The following KIFC3 variants were observed in gnomAD, a reference collection of about 807,000 sequenced individuals.
KIFC3 encodes kinesin-like protein KIFC3.
Under a neutral mutation model 101.8 loss-of-function variants are expected in KIFC3, and 60 were observed. The ratio of observed to expected loss-of-function variants is 0.59; its 90% CI spans 0.48 to 0.73. The LOEUF is 0.73. Ranked by LOEUF, KIFC3 falls within the 30% of genes least tolerant of loss-of-function variation. The pLI is 0.00. For missense variants in KIFC3, 966 were observed against 1,137.1 expected, an observed-to-expected ratio of 0.85 and a Z score of 2.16; for synonymous variants, 476 against 482.7, an observed-to-expected ratio of 0.99 and a Z score of 0.18.
chr16:57,782,222 G>A (rs1028902847), intron 3 of KIFC3: 13 of 842,826 alleles, frequency 1.5e-5, no homozygotes, highest in East Asian at 1.2e-4. Flanking sequence ...ACTGCAATGC[G>A]ACATTTGTGA....
At chr16:57,821,138 A>AG (rs1269521232) in intron 1 of KIFC3, among the ~76,000 whole-genome samples, 2 of 151,770 alleles carry the variant, frequency 1.3e-5, no homozygotes, top group Non-Finnish European at 2.9e-5. Flanking sequence ...ATTAAAAAAA[A>AG]AAAAAGGGAG....
At chr16:57,775,390 C>T in intron 3 of KIFC3, 1 of 1,063,688 alleles carries the variant, frequency 9.4e-7, no homozygotes, top group Non-Finnish European at 1.1e-6. Flanking sequence ...CAGTGGCCTG[C>T]TCCGTGGCAG....
At chr16:57,815,494 C>A in intron 1 of KIFC3, 3 of 1,251,404 alleles carry the variant, frequency 2.4e-6, no homozygotes, top group Non-Finnish European at 3.1e-6. Context: ...CCCAACCTGG[C>A]TGATCTGGGA....
intron 1 of KIFC3, among the ~76,000 whole-genome samples, chr16:57,817,699 T>G (rs1359757965): frequency 6.6e-6 from 1 of 152,192 alleles, no homozygotes; most frequent in Non-Finnish European, 1.5e-5. Context: ...TGCATACCTC[T>G]GCAAAGGCCC....
At chr16:57,776,830 T>C (rs782347959) in intron 3 of KIFC3, 3 of 152,114 alleles carry the variant, frequency 2.0e-5, no homozygotes, top group Non-Finnish European at 4.4e-5. Context: ...GAGCTGCCAC[T>C]AGACCTCAAG....
At chr16:57,812,764 G>T (rs530349875) in intron 1 of KIFC3, among the ~76,000 whole-genome samples, 3 of 152,326 alleles carry the variant, frequency 2.0e-5, no homozygotes, top group Non-Finnish European at 2.9e-5. Context: ...TGGCCAGGGC[G>T]CTCTCAGTTG....
intron 18 of KIFC3, chr16:57,759,387 G>T (rs1191872509): frequency 3.3e-6 from 2 of 600,874 alleles, no homozygotes; most frequent in African/African-American, 3.7e-5. Context: ...ACAGGGAGGG[G>T]GCTGCAGGGG....
chr16:57,856,471 G>A lies in KIFC3; in HGVS notation c.108+6258C>T, dbSNP rs373180642. Among the ~76,000 whole-genome samples the A allele has an allele frequency of 3.7e-3, 485 of 131,194 alleles. 4 individuals carry two copies. The highest frequency in any genetic ancestry group is 0.012 in the African/African-American group (441 of 35,970). 86.1% of individuals were successfully genotyped at this position (131,194 alleles called of 152,430 possible). A position where few individuals can be genotyped will look rare whatever the true frequency, so the allele number is the denominator to read the frequency against. ...GACCGTGTCTAAAAAAAGAAAGGAAGGAAGGAAGGAAAGAAGGGAGGGAGG... is the reference window on the plus strand; with the variant it reads ...GACCGTGTCTAAAAAAAGAAAGGAAAGAAGGAAGGAAAGAAGGGAGGGAGG... On this transcript the variant is annotated intron_variant, in intron 1 of 2. Transcript: ENST00000563028.
chr16:57,848,489 G>T (rs996104496), intron 1 of KIFC3, among the ~76,000 whole-genome samples: 2 of 152,150 alleles, frequency 1.3e-5, no homozygotes, highest in African/African-American at 4.8e-5. Context: ...TTAGCTGGGC[G>T]TTGTGGTGCA....
intron 3 of KIFC3, among the ~76,000 whole-genome samples, chr16:57,772,917 A>G (rs1298568682): frequency 2.0e-5 from 3 of 152,152 alleles, no homozygotes; most frequent in Non-Finnish European, 2.9e-5. Flanking sequence ...GCACCCCATG[A>G]GGAAGCCACG....
In KIFC3 at chr16:57,795,020, G is replaced by T. The variant is rs782334561; in HGVS notation, c.294C>A (p.His98Gln). ...TTACCTGCAGGGTCAGGTAGAGCCCGTGGGGGCTTCCGGGGCCAGCCCAGT... is the reference window on the plus strand; with the variant it reads ...TTACCTGCAGGGTCAGGTAGAGCCCTTGGGGGCTTCCGGGGCCAGCCCAGT... ...SVDWAGPGSP[H>Q]GLYLTLQVEH... The change falls in exon 3 of 20, where the codon CAC (histidine) becomes CAA (glutamine). Residue 98 changes from histidine to glutamine, a missense_variant. His to Gln is a conservative substitution (Grantham distance 24). This residue lies in a region of KIFC3 where 277 missense variants were observed against 252.5 expected (regional missense o/e 1.10). Coordinates refer to ENST00000445690, the MANE Select transcript of KIFC3 (RefSeq NM_001130100.2). 2.5e-6 allele frequency: 4 copies of T among 1,595,510 alleles called. No homozygotes were observed. In the African/African-American group the frequency reaches 5.5e-5, roughly 22 times the overall value.
At chr16:57,805,824 C>T (rs546118660), upstream of KIFC3, among the ~76,000 whole-genome samples, 5 of 152,140 alleles carry the variant, frequency 3.3e-5, no homozygotes, top group Admixed American at 6.5e-5. Context: ...TACAGGCATG[C>T]GCCACCACGC....
At chr16:57,760,526 G>A (rs1317867060) in intron 16 of KIFC3, 110 bp from the exon 17 acceptor site, 2 of 1,331,624 alleles carry the variant, frequency 1.5e-6, no homozygotes, top group East Asian at 2.3e-5. Context: ...AGAGGCCTGA[G>A]GGATGGGGTG....
At chr16:57,855,704 G>A (rs2056150682) in intron 1 of KIFC3, among the ~76,000 whole-genome samples, 1 of 152,094 alleles carries the variant, frequency 6.6e-6, no homozygotes, top group African/African-American at 2.4e-5. Flanking sequence ...TCAGCCCTGT[G>A]GGAGACCAAG....
chr16:57,787,243 G>A (rs953679565), intron 3 of KIFC3, among the ~76,000 whole-genome samples: 4 of 152,234 alleles, frequency 2.6e-5, no homozygotes, highest in East Asian at 1.9e-4. Context: ...CTCGAGAGAC[G>A]TGTGGGAGGG....
upstream of KIFC3, among the ~76,000 whole-genome samples, chr16:57,805,509 A>G (rs1822704773): frequency 6.6e-6 from 1 of 152,116 alleles, no homozygotes; most frequent in African/African-American, 2.4e-5. Flanking sequence ...CTTCCTGCCG[A>G]ACTCTGGCAG....
rs898406388 is a variant in KIFC3 at position 57,819,552 on chromosome 16, T to A, written c.109-21270A>T. On this transcript the variant is annotated intron_variant, in intron 1 of 2. Coordinates refer to the KIFC3 transcript ENST00000563028. Reference sequence around the variant, plus strand: ...TATTTGTATTTATTTTTTATTTTTTTAAATTTTATTTATTTATTTATTTAT... The same window carrying A: ...TATTTGTATTTATTTTTTATTTTTTAAAATTTTATTTATTTATTTATTTAT... Among the ~76,000 whole-genome samples, 8 of 152,220 alleles carry A rather than the reference T, an allele frequency of 5.3e-5. No individual in the cohort carries two copies. The East Asian group carries it at 1.2e-3, about 22-fold the overall frequency.
At position 57,847,272 on chromosome 16, in the gene KIFC3, GA is replaced by G. The variant is rs1596868949; in HGVS notation, c.108+15456del. 6.8e-5 allele frequency among the ~76,000 whole-genome samples: 8 copies of G among 117,614 alleles called. No individual in the cohort carries two copies. The East Asian group carries it at 1.0e-3, about 15-fold the overall frequency. 77.2% of individuals were successfully genotyped at this position (117,614 alleles called of 152,430 possible). A position where few individuals can be genotyped will look rare whatever the true frequency, so the allele number is the denominator to read the frequency against. On this transcript the variant is annotated intron_variant, in intron 1 of 2. Transcript: ENST00000563028. The stretch of plus-strand genomic sequence containing the variant: ...GAAGGAAGGAAGGAAGGAAGGAAGG[GA>G]AGGGAGGGAGGGAGAGAGGGCGGGG...
intron 1 of KIFC3, chr16:57,798,672 A>G: frequency 3.7e-6 from 1 of 270,614 alleles, no homozygotes; most frequent in South Asian, 4.0e-5. Context: ...CTAATTTTCT[A>G]ATTGCACTTA....
Sources: gnomAD v4.1 joint callset for allele counts (sites outside exome capture counted in the v4.1 genomes callset) on GRCh38, gnomAD v4.1.1 for gene constraint, gnomAD v4.1.1 regional missense constraint, MANE v1.5 for transcripts, NCBI Gene and HGNC (gene_info 2026-07-23, HGNC 2026-07-21) for gene names.